TTC6: variants seen among roughly 807,000 people sequenced by gnomAD.
The protein encoded by TTC6 is tetratricopeptide repeat protein 6.
A neutral mutation model predicts 210.4 loss-of-function variants in TTC6; 172 were observed. The observed-to-expected ratio is 0.82, with a 90% CI of 0.72 to 0.93. TTC6 has a LOEUF of 0.93. Ranked by LOEUF, TTC6 falls within the 40% of genes least tolerant of loss-of-function variation. The probability of loss-of-function intolerance (pLI) is 0.00; values close to 1 mark genes in which losing one functional copy is unlikely to be tolerated. For synonymous variants in TTC6, 804 were observed against 819.6 expected (o/e 0.98, Z 0.32); for missense variants, 2,414 against 2,318.1 (o/e 1.04, Z -0.85).
intron 5 of TTC6, among the ~76,000 whole-genome samples, chr14:37,708,452 G>A (rs540765368): frequency 2.8e-4 from 42 of 152,108 alleles, no homozygotes; most frequent in East Asian, 9.7e-4. Context: ...AAAATACAGC[G>A]TAATGATTGA....
At chr14:37,673,834 A>G (rs1463423171) in intron 1 of TTC6, among the ~76,000 whole-genome samples, 2 of 152,190 alleles carry the variant, frequency 1.3e-5, no homozygotes, top group Non-Finnish European at 2.9e-5. Context: ...AAACTGCTCT[A>G]TGAAACACAT....
At chr14:37,679,688 A>ATATT (rs1473100700) in intron 1 of TTC6, among the ~76,000 whole-genome samples, 10 of 152,050 alleles carry the variant, frequency 6.6e-5, no homozygotes, top group Admixed American at 2.6e-4. Flanking sequence ...AAAAAAATTT[A>ATATT]TATTTATTTA....
chr14:37,622,871 C>T, exon 1 of TTC6: 1 of 1,534,986 alleles, frequency 6.5e-7, no homozygotes, highest in Non-Finnish European at 8.7e-7. Context: ...CGCTGCTGCC[C>T]TCCCGCGTGA....
At chr14:37,781,070 A>G (rs530765952) in intron 14 of TTC6, among the ~76,000 whole-genome samples, 1 of 152,312 alleles carries the variant, frequency 6.6e-6, no homozygotes, top group East Asian at 1.9e-4. Context: ...GCTATTTTGA[A>G]TAATGCCACC....
At chr14:37,719,275 T>C (rs2095857565) in intron 6 of TTC6, among the ~76,000 whole-genome samples, 1 of 151,944 alleles carries the variant, frequency 6.6e-6, no homozygotes, top group African/African-American at 2.4e-5. Flanking sequence ...ATGTCATTTC[T>C]CTTCAAATTG....
intron 1 of TTC6, among the ~76,000 whole-genome samples, chr14:37,599,816 C>T (rs2095611914): frequency 1.3e-5 from 2 of 152,340 alleles, no homozygotes; most frequent in Middle Eastern, 3.4e-3. Flanking sequence ...AACAAACCTC[C>T]CTCGAGGCCC....
At chr14:37,708,683 T>C (rs2138723182) in intron 5 of TTC6, among the ~76,000 whole-genome samples, 2 of 152,248 alleles carry the variant, frequency 1.3e-5, no homozygotes, top group Middle Eastern at 6.8e-3. Context: ...GGATAATCTG[T>C]GTGAAGCATA....
At chr14:37,699,473 T>C (rs1214659960) in intron 4 of TTC6, among the ~76,000 whole-genome samples, 1 of 152,154 alleles carries the variant, frequency 6.6e-6, no homozygotes, top group African/African-American at 2.4e-5. Flanking sequence ...TAGAAGTAAG[T>C]CCAAAGTCTA....
chr14:37,760,492 A>G (rs546262094), intron 14 of TTC6, among the ~76,000 whole-genome samples: 1 of 152,302 alleles, frequency 6.6e-6, no homozygotes, highest in Non-Finnish European at 1.5e-5. Flanking sequence ...GACCCACTTG[A>G]GGAGGCAGTC....
chr14:37,696,693 AG>A (rs2095815497), intron 3 of TTC6, 23 bp from the exon 6 acceptor site: 1 of 1,230,856 alleles, frequency 8.1e-7, no homozygotes, highest in Non-Finnish European at 1.1e-6. Context: ...TTCTCTTAAC[AG>A]CACACTTTAT....
At chr14:37,737,924 T>C (rs2095906393) in intron 9 of TTC6, among the ~76,000 whole-genome samples, 190 bp downstream of exon 11, 1 of 151,992 alleles carries the variant, frequency 6.6e-6, no homozygotes, top group African/African-American at 2.4e-5. Context: ...ATCTCTGTTG[T>C]ACTTTAGTAC....
chr14:37,651,125 C>T (rs569489345), intron 1 of TTC6, among the ~76,000 whole-genome samples: 27 of 152,028 alleles, frequency 1.8e-4, no homozygotes, highest in Non-Finnish European at 3.4e-4. Flanking sequence ...AGAAGAATTT[C>T]GTGCACACAG....
chr14:37,723,791 G>A (rs1329791456), intron 6 of TTC6, among the ~76,000 whole-genome samples: 1 of 152,070 alleles, frequency 6.6e-6, no homozygotes, highest in Non-Finnish European at 1.5e-5. Context: ...CAGTTAGATT[G>A]TTTTATGACA....
chr14:37,652,465 A>G (rs2095714826), intron 1 of TTC6, among the ~76,000 whole-genome samples: 1 of 152,146 alleles, frequency 6.6e-6, no homozygotes, highest in Non-Finnish European at 1.5e-5. Flanking sequence ...GAAGAAATAG[A>G]TTTAATTTTT....
At chr14:37,731,114 G>A (rs1367445742) in intron 7 of TTC6, among the ~76,000 whole-genome samples, 1 of 152,170 alleles carries the variant, frequency 6.6e-6, no homozygotes, top group Non-Finnish European at 1.5e-5. Flanking sequence ...GTTGCTCTTA[G>A]GGGAAGTAGA....
exon 1 of TTC6, chr14:37,622,208 A>C (rs1188855645): frequency 1.3e-6 from 2 of 1,535,424 alleles, no homozygotes; most frequent in East Asian, 4.9e-5. Context: ...CTGTAGATGA[A>C]AGCCCAGTCC....
intron 4 of TTC6, among the ~76,000 whole-genome samples, chr14:37,697,071 A>G (rs2095816293): frequency 1.3e-5 from 2 of 152,108 alleles, no homozygotes; most frequent in African/African-American, 4.8e-5. Flanking sequence ...ATGTAACAAT[A>G]GCTGGAAAAA....
chr14:37,609,264 A>T (rs1031429389), intron 2 of TTC6, among the ~76,000 whole-genome samples: 7 of 152,088 alleles, frequency 4.6e-5, no homozygotes, highest in Admixed American at 1.3e-4. Context: ...TATATATATA[A>T]AATTAGCTGG....
At chr14:37,618,236 G>A (rs1190609319), upstream of TTC6, among the ~76,000 whole-genome samples, 1 of 152,196 alleles carries the variant, frequency 6.6e-6, no homozygotes, top group African/African-American at 2.4e-5. Context: ...TGAGTCTTTA[G>A]CCATTTTTGG....
Sources: allele counts gnomAD v4.1 joint callset (sites outside exome capture counted in the v4.1 genomes callset), GRCh38; gene constraint gnomAD v4.1.1; transcripts MANE v1.5; gene names NCBI Gene and HGNC (gene_info 2026-07-23, HGNC 2026-07-21).